Variants in SPTLC3 observed in about 807,000 individuals in gnomAD.
SPTLC3 encodes the protein serine palmitoyltransferase long chain base subunit 3.
A neutral mutation model predicts 59.3 loss-of-function variants in SPTLC3; 36 were observed. The observed-to-expected ratio is 0.61, with a 90% CI of 0.47 to 0.80. SPTLC3 has a LOEUF of 0.80. Ranked by LOEUF, SPTLC3 falls within the 30% of genes least tolerant of loss-of-function variation. SPTLC3 has a pLI of 0.00. For synonymous variants in SPTLC3, 257 were observed against 240.8 expected (o/e 1.07, Z -0.62); for missense variants, 625 against 685.1 (o/e 0.91, Z 0.98).
chr20:13,150,271 T>C (rs752615765), intron 9 of SPTLC3, among the ~76,000 whole-genome samples: 3 of 152,206 alleles, frequency 2.0e-5, no homozygotes, highest in Non-Finnish European at 4.4e-5. Context: ...GCACTTCCAA[T>C]AGGCTCTGTA....
chr20:13,113,213 G>A (rs6105040), intron 7 of SPTLC3, among the ~76,000 whole-genome samples: 54,777 of 151,804 alleles, frequency 0.36, 9,949 homozygotes, highest in Admixed American at 0.4. Flanking sequence ...ATTATTTCCC[G>A]TAGGATTTTC....
At chr20:13,096,455 A>AT (rs1989417879) in intron 6 of SPTLC3, among the ~76,000 whole-genome samples, 1 of 151,848 alleles carries the variant, frequency 6.6e-6, no homozygotes, top group Non-Finnish European at 1.5e-5. Flanking sequence ...AAAAAAAAAA[A>AT]GCAACAAGCT....
intron 4 of SPTLC3, among the ~76,000 whole-genome samples, chr20:13,078,850 C>G (rs962617589): frequency 6.6e-6 from 1 of 152,042 alleles, no homozygotes. Flanking sequence ...CATCCCTCCA[C>G]TCGAAATAGA....
At chr20:13,098,907 T>C (rs975524135) in intron 6 of SPTLC3, among the ~76,000 whole-genome samples, 3 of 152,128 alleles carry the variant, frequency 2.0e-5, no homozygotes, top group Admixed American at 6.5e-5. Flanking sequence ...TAATTGAGAA[T>C]TGGGTGCAGC....
At chr20:13,060,112 G>T (rs977562558) in intron 2 of SPTLC3, among the ~76,000 whole-genome samples, 5 of 152,076 alleles carry the variant, frequency 3.3e-5, no homozygotes, top group African/African-American at 1.2e-4. Context: ...AGCTTTTAAA[G>T]AATTAAAATT....
rs575541676 is a variant in SPTLC3 at position 13,101,551 on chromosome 20, C to T, written c.826+7974C>T. ...GGGCAGCTTCAGGGACATAGCCAAC[C>T]CTCAGGCTGCCCTTGTGCTATCCAG... On this transcript the variant is annotated intron_variant, in intron 6 of 11. Transcript: ENST00000399002. Among the ~76,000 whole-genome samples the T allele has an allele frequency of 7.9e-5, 12 of 152,290 alleles. 1 individual carries two copies. In the South Asian group the frequency reaches 2.5e-3, roughly 32 times the overall value.
intron 2 of SPTLC3, 57 bp downstream of exon 2, chr20:13,049,187 C>T (rs1003531152): frequency 2.5e-6 from 4 of 1,582,988 alleles, no homozygotes; most frequent in Non-Finnish European, 3.5e-6. Context: ...CTAAAGTGTT[C>T]TCAGAAGTGG....
chr20:13,033,880 G>A (rs915498253), intron 1 of SPTLC3, among the ~76,000 whole-genome samples: 1 of 152,126 alleles, frequency 6.6e-6, no homozygotes, highest in Non-Finnish European at 1.5e-5. Context: ...AGCCAGAGCT[G>A]TGTCTTAAGG....
At chr20:13,153,426 C>T (rs1009494289) in intron 9 of SPTLC3, among the ~76,000 whole-genome samples, 2 of 152,120 alleles carry the variant, frequency 1.3e-5, no homozygotes, top group Non-Finnish European at 2.9e-5. Context: ...CTCTTTCCTC[C>T]CTTCTATTAG....
chr20:13,026,242 C>A (rs1462026069), intron 1 of SPTLC3, among the ~76,000 whole-genome samples: 1 of 152,158 alleles, frequency 6.6e-6, no homozygotes, highest in Non-Finnish European at 1.5e-5. Flanking sequence ...GGGCAGGTAC[C>A]TGGTAATGGG....
intron 11 of SPTLC3, among the ~76,000 whole-genome samples, chr20:13,161,707 T>C (rs754064266): frequency 2.6e-5 from 4 of 152,172 alleles, no homozygotes; most frequent in Admixed American, 6.5e-5. Context: ...TAGCAATTAG[T>C]AGGAACTTGA....
intron 1 of SPTLC3, among the ~76,000 whole-genome samples, chr20:13,018,405 G>C (rs1031871481): frequency 6.6e-6 from 1 of 152,084 alleles, no homozygotes; most frequent in African/African-American, 2.4e-5. Context: ...GTTTTGTTTG[G>C]CATAAGGACT....
intron 10 of SPTLC3, among the ~76,000 whole-genome samples, chr20:13,156,729 T>C (rs567055951): frequency 4.6e-5 from 7 of 152,220 alleles, no homozygotes; most frequent in Non-Finnish European, 8.8e-5. Context: ...AAGCACTTAA[T>C]ATAGTAGTTG....
At chr20:13,056,953 G>T (rs1987757626) in intron 2 of SPTLC3, among the ~76,000 whole-genome samples, 1 of 151,584 alleles carries the variant, frequency 6.6e-6, no homozygotes, top group African/African-American at 2.4e-5. Flanking sequence ...TGTTGGCCAG[G>T]CTGGTCTTGA....
chr20:13,009,357 A>C lies in SPTLC3; in HGVS notation c.90A>C (p.Thr30=), dbSNP rs1206908635. Residue 30 remains threonine, a synonymous_variant, in exon 1 of 12, where the codon ACA becomes ACC. Transcript: ENST00000399002. ...QSNGSQSRNC[T]KNGIVKEAQQ... is the part of the protein sequence containing the mutation. ...ATGGCTCACAAAGCAGAAACTGCAC[A>C]AAGAATGGAATAGTGAAGGAAGCCC... is the stretch of plus-strand genomic sequence containing the variant. 1 of 1,614,126 alleles carries C rather than the reference A, an allele frequency of 6.2e-7. No individual in the cohort carries two copies. The highest frequency in any genetic ancestry group is 8.5e-7 in the Non-Finnish European group (1 of 1,179,984).
chr20:13,049,287 C>T (rs1987372503), intron 2 of SPTLC3, 157 bp downstream of exon 2: 1 of 794,382 alleles, frequency 1.3e-6, no homozygotes, highest in Non-Finnish European at 2.1e-6. Flanking sequence ...ACCCCATTAC[C>T]CATGGGCTTA....
Position 13,167,347 on chromosome 20 carries a change from T to G in SPTLC3, c.*2480T>G, listed in dbSNP as rs1224550535. On this transcript the variant is annotated 3_prime_UTR_variant, in exon 12 of 12. Transcript: ENST00000399002. Reference sequence around the variant, plus strand: ...TACCCTCTACATCACCGCCCCGACCTTAGCTCTAATTATATCAGAGCCAAA... The same window carrying G: ...TACCCTCTACATCACCGCCCCGACCGTAGCTCTAATTATATCAGAGCCAAA... 6.9e-6 allele frequency: 1 copy of G among 145,772 alleles called. No individual in the cohort carries two copies. Among genetic ancestry groups the G allele is most frequent in the Non-Finnish European group, 1.6e-5 (1 of 64,354 alleles). 9.0% of individuals were successfully genotyped at this position (145,772 alleles called of 1,614,324 possible). A position where few individuals can be genotyped will look rare whatever the true frequency, so the allele number is the denominator to read the frequency against.
At chr20:13,009,514 C>G in intron 1 of SPTLC3, 130 bp downstream of exon 1, 1 of 835,798 alleles carries the variant, frequency 1.2e-6, no homozygotes, top group Non-Finnish European at 1.9e-6. Context: ...TGACTGTTGA[C>G]TCTGTTAATA....
chr20:13,017,308 T>A (rs576832111), intron 1 of SPTLC3, among the ~76,000 whole-genome samples: 3 of 152,334 alleles, frequency 2.0e-5, no homozygotes, highest in Admixed American at 1.3e-4. Context: ...GTCACCTCCA[T>A]GCCTCACTTT....
Sources: gnomAD v4.1 joint callset for allele counts (sites outside exome capture counted in the v4.1 genomes callset) on GRCh38, gnomAD v4.1.1 for gene constraint, MANE v1.5 for transcripts, NCBI Gene and HGNC (gene_info 2026-07-23, HGNC 2026-07-21) for gene names.